CADM2: variants seen among roughly 807,000 people sequenced by gnomAD.
The protein encoded by CADM2 is immunoglobulin superfamily member 4D.
Under a neutral mutation model 49.8 loss-of-function variants are expected in CADM2, and 12 were observed. The ratio of observed to expected loss-of-function variants is 0.24; its 90% CI spans 0.15 to 0.39. The LOEUF is 0.39. Ranked by LOEUF, CADM2 falls within the 10% of genes least tolerant of loss-of-function variation. The pLI is 1.00. For synonymous variants in CADM2, 214 were observed against 175.4 expected, an observed-to-expected ratio of 1.22 and a Z score of -1.74; for missense variants, 378 against 492.3, an observed-to-expected ratio of 0.77 and a Z score of 2.20.
intron 1 of CADM2, among the ~76,000 whole-genome samples, chr3:84,982,737 A>ATATATG (rs1553663805): frequency 1.1e-4 from 13 of 115,354 alleles, no homozygotes; most frequent in African/African-American, 1.8e-4. Context: ...ATATATATAC[A>ATATATG]TTTTTTGTTT....
At chr3:84,976,909 A>C (rs1350236251) in intron 1 of CADM2, among the ~76,000 whole-genome samples, 3 of 151,914 alleles carry the variant, frequency 2.0e-5, no homozygotes, top group Non-Finnish European at 4.4e-5. Context: ...CAATCATCAT[A>C]GATTTATATC....
intron 1 of CADM2, among the ~76,000 whole-genome samples, chr3:85,381,387 G>A (rs957242401): frequency 6.7e-6 from 1 of 148,548 alleles, no homozygotes; most frequent in Non-Finnish European, 1.5e-5. Context: ...GATGGTAGAA[G>A]GATGAAGCCA....
intron 7 of CADM2, among the ~76,000 whole-genome samples, chr3:85,939,069 G>A (rs548946661): frequency 1.3e-5 from 2 of 152,056 alleles, no homozygotes; most frequent in Non-Finnish European, 2.9e-5. Context: ...GGCTCAAGTT[G>A]CACTGAGCCT....
chr3:85,201,037 T>G (rs1353668993), intron 1 of CADM2, among the ~76,000 whole-genome samples: 1 of 152,188 alleles, frequency 6.6e-6, no homozygotes, highest in Non-Finnish European at 1.5e-5. Flanking sequence ...ACATGTTTAT[T>G]CATATTAAAT....
At chr3:85,610,286 T>G (rs536844873) in intron 1 of CADM2, among the ~76,000 whole-genome samples, 7 of 152,006 alleles carry the variant, frequency 4.6e-5, no homozygotes, top group Non-Finnish European at 8.8e-5. Context: ...ATTCAAAGTA[T>G]CTAAATACAT....
intron 3 of CADM2, among the ~76,000 whole-genome samples, chr3:85,872,943 A>G (rs779266093): frequency 1.3e-5 from 2 of 152,148 alleles, no homozygotes; most frequent in African/African-American, 4.8e-5. Flanking sequence ...GCATGTTGCT[A>G]TAACAAAATA....
chr3:85,099,514 G>A lies in CADM2; in HGVS notation c.61+139846G>A, dbSNP rs143793917. 7.2e-3 allele frequency among the ~76,000 whole-genome samples: 1,061 copies of A among 147,922 alleles called. 9 individuals carry two copies. The highest frequency in any genetic ancestry group is 0.01 in the Non-Finnish European group (698 of 67,558). ...AGACACAGTCTCACTCTGTTGCCCA[G>A]GCTGGAGTGCAATGGCAAAATCTCT... On this transcript the variant is annotated intron_variant, in intron 1 of 9. Transcript: ENST00000383699.
chr3:85,380,957 A>G (rs987928679), intron 1 of CADM2, among the ~76,000 whole-genome samples: 2 of 152,068 alleles, frequency 1.3e-5, no homozygotes, highest in African/African-American at 2.4e-5. Flanking sequence ...TTAAAAGTAG[A>G]AGGGAAGAAT....
chr3:85,193,236 G>A (rs1446821809), intron 1 of CADM2, among the ~76,000 whole-genome samples: 1 of 151,990 alleles, frequency 6.6e-6, no homozygotes, highest in Non-Finnish European at 1.5e-5. Flanking sequence ...TAACTGGATA[G>A]CTAGAAAGAA....
At chr3:85,763,457 A>T (rs994145258) in intron 2 of CADM2, among the ~76,000 whole-genome samples, 1 of 152,148 alleles carries the variant, frequency 6.6e-6, no homozygotes, top group African/African-American at 2.4e-5. Context: ...GTAGCTTTAT[A>T]TTCATTTCCC....
chr3:85,476,253 A>G (rs1398497364), intron 1 of CADM2, among the ~76,000 whole-genome samples: 1 of 151,900 alleles, frequency 6.6e-6, no homozygotes, highest in Non-Finnish European at 1.5e-5. Context: ...TTCTTCATAC[A>G]TCTTTATAAA....
intron 3 of CADM2, among the ~76,000 whole-genome samples, chr3:85,861,031 T>A (rs2108321862): frequency 6.6e-6 from 1 of 152,258 alleles, no homozygotes. Context: ...AGGCAAATTG[T>A]GCCCAGTGCA....
chr3:84,968,779 G>A (rs925418954), intron 1 of CADM2, among the ~76,000 whole-genome samples: 1 of 152,014 alleles, frequency 6.6e-6, no homozygotes, highest in African/African-American at 2.4e-5. Flanking sequence ...TCCTTAACTA[G>A]CCCATTAACA....
At chr3:85,127,531 T>A (rs1218460406) in intron 1 of CADM2, among the ~76,000 whole-genome samples, 1 of 152,154 alleles carries the variant, frequency 6.6e-6, no homozygotes, top group African/African-American at 2.4e-5. Context: ...GGCTTCTGGG[T>A]CAGATTACTT....
At chr3:85,344,632 ATCT>A (rs2030381797) in intron 1 of CADM2, among the ~76,000 whole-genome samples, 1 of 151,616 alleles carries the variant, frequency 6.6e-6, no homozygotes, top group Admixed American at 6.6e-5. Context: ...ATAGCCAAAC[ATCT>A]TCTCTATTTT....
Position 85,482,640 on chromosome 3 carries a change from A to T in CADM2, c.62-243882A>T, listed in dbSNP as rs979019100. ...AGTTTGATATTTTAAAAGAAAATTT[A>T]GTGCATTTTTATCGATGGTTCATAT... On this transcript the variant is annotated intron_variant, in intron 1 of 9. Coordinates refer to ENST00000383699, the MANE Select transcript of CADM2 (RefSeq NM_001167675.2). Among the ~76,000 whole-genome samples the T allele has an allele frequency of 2.6e-5, 4 of 151,708 alleles. No individual in the cohort carries two copies. The South Asian group carries it at 8.3e-4, about 31-fold the overall frequency.
chr3:85,911,409 G>A (rs778677702), intron 5 of CADM2, among the ~76,000 whole-genome samples: 2 of 152,112 alleles, frequency 1.3e-5, no homozygotes, highest in Non-Finnish European at 2.9e-5. Context: ...TTTAAATATC[G>A]ATAAATGAAT....
At chr3:85,562,782 T>C (rs1333268918) in intron 1 of CADM2, among the ~76,000 whole-genome samples, 2 of 152,166 alleles carry the variant, frequency 1.3e-5, no homozygotes, top group African/African-American at 4.8e-5. Context: ...AATCCTTGCC[T>C]TATTGCACTT....
At chr3:85,990,042 A>AAAAAAAAAAAGAAG (rs1436572625) in intron 8 of CADM2, among the ~76,000 whole-genome samples, 2 of 108,000 alleles carry the variant, frequency 1.9e-5, no homozygotes, top group Non-Finnish European at 4.1e-5. Flanking sequence ...AAAAAAAAAA[A>AAAAAAAAAAAGAAG]AAGAAGACTA....
Sources: gnomAD v4.1 joint callset for allele counts (sites outside exome capture counted in the v4.1 genomes callset) on GRCh38, gnomAD v4.1.1 for gene constraint, MANE v1.5 for transcripts, NCBI Gene and HGNC (gene_info 2026-07-23, HGNC 2026-07-21) for gene names.